SOX30: variants seen among roughly 807,000 people sequenced by gnomAD.
SOX30 encodes transcription factor SOX-30.
SOX30 carries 17 observed loss-of-function variants against 58.6 expected under a neutral mutation model. The ratio of observed to expected loss-of-function variants is 0.29; its 90% CI spans 0.20 to 0.44. The LOEUF (loss-of-function observed/expected upper bound fraction) is 0.44, where lower values mean the gene tolerates loss of function less well. Ranked by LOEUF, SOX30 falls within the 20% of genes least tolerant of loss-of-function variation. The pLI is 1.00. For missense variants in SOX30, 951 were observed against 965.8 expected (o/e 0.98, Z 0.20); for synonymous variants, 421 against 400.2 (o/e 1.05, Z -0.62).
At chr5:157,671,102 C>T (rs1330252664) in intron 1 of SOX30, among the ~76,000 whole-genome samples, 4 of 152,146 alleles carry the variant, frequency 2.6e-5, no homozygotes, top group Non-Finnish European at 5.9e-5. Context: ...AAGGGTCTTC[C>T]GGAAAGACAC....
Position 157,638,402 on chromosome 5 carries a change from T to C in SOX30, c.1708A>G (p.Ser570Gly). Residue 570 changes from serine to glycine, a missense_variant, in exon 4 of 5, where the codon AGC (serine) becomes GGC (glycine). By Grantham distance (56) the Ser-to-Gly change is moderately conservative. Transcript: ENST00000265007. The part of the protein sequence containing the change: ...STIQPPREYS[S>G]VSPCPRSAPI... ...GCACTTCTGGGACAAGGGGAAACGC[T>C]GGAATACTCCCTAGGAGGTTGGATG... The C allele has an allele frequency of 6.2e-7, 1 of 1,613,874 alleles. No homozygotes were observed. The highest frequency in any genetic ancestry group is 8.5e-7 in the Non-Finnish European group (1 of 1,179,884).
intron 4 of SOX30, among the ~76,000 whole-genome samples, chr5:157,634,309 G>T (rs949123414): frequency 6.6e-6 from 1 of 152,122 alleles, no homozygotes; most frequent in African/African-American, 2.4e-5. Context: ...CACCTCCCAG[G>T]CTCAAGTGAT....
At chr5:157,642,471 C>T (rs532339707) in intron 3 of SOX30, among the ~76,000 whole-genome samples, 12 of 151,824 alleles carry the variant, frequency 7.9e-5, no homozygotes, top group Admixed American at 4.6e-4. Flanking sequence ...AAAAAATCTA[C>T]GCTGGGGTTA....
chr5:157,637,005 T>C (rs1758943772), intron 4 of SOX30, among the ~76,000 whole-genome samples: 1 of 151,970 alleles, frequency 6.6e-6, no homozygotes, highest in African/African-American at 2.4e-5. Flanking sequence ...TGGTGACGCA[T>C]GCCTGTAATC....
At position 157,651,307 on chromosome 5, in the gene SOX30, G is replaced by A. The variant is rs768211894; in HGVS notation, c.772C>T (p.Leu258Phe). The change falls in exon 1 of 5, where the codon CTT becomes TTT. Residue 258 changes from leucine (L) to phenylalanine (F), a missense_variant. Leu to Phe is a conservative substitution (Grantham distance 22, BLOSUM62 0). Transcript: ENST00000265007. ...GTGTGGAGCGTCAAAGGGATCCTAA[G>A]GTCTTGCTGGTGCGGCCCAAAGGCA... is the stretch of plus-strand genomic sequence containing the variant. ...SGAFGPHQQD[L>F]RIPLTLHTVP... 1.2e-6 allele frequency: 2 copies of A among 1,614,144 alleles called. No individual in the cohort carries two copies. Among genetic ancestry groups the A allele is most frequent in the Non-Finnish European group, 1.7e-6 (2 of 1,180,044 alleles).
Position 157,651,802 on chromosome 5 carries a change from C to A in SOX30, c.277G>T (p.Ala93Ser), listed in dbSNP as rs1343644990. ...AACAGCCGCGCCTGCGCGGACGAGG[C>A]AGCGGCTTCCTCGTTCTGGGCCTGA... Reference protein sequence around the residue: ...QPQAQNEEAAASSAQARLLQF... With the variant: ...QPQAQNEEAASSSAQARLLQF... The change falls in exon 1 of 5, where the codon GCC (alanine) becomes TCC (serine). Residue 93 changes from alanine to serine, a missense_variant. By Grantham distance (99) the Ala-to-Ser change is moderately conservative. Transcript: ENST00000265007. 5 of 1,580,560 alleles carry A rather than the reference C, an allele frequency of 3.2e-6. No individual in the cohort carries two copies. The highest frequency in any genetic ancestry group is 2.6e-6 in the Non-Finnish European group (3 of 1,167,246).
intron 3 of SOX30, among the ~76,000 whole-genome samples, chr5:157,645,539 A>G (rs1394555205): frequency 6.6e-6 from 1 of 151,576 alleles, no homozygotes; most frequent in Non-Finnish European, 1.5e-5. Context: ...GTGTGCACCT[A>G]TAGTCCCAGC....
upstream of SOX30, among the ~76,000 whole-genome samples, chr5:157,654,608 T>C (rs576971260): frequency 6.6e-6 from 1 of 152,280 alleles, no homozygotes. Context: ...TGAAACATAC[T>C]GGGTCGCATT....
intron 4 of SOX30, among the ~76,000 whole-genome samples, chr5:157,633,335 A>G (rs1224419167): frequency 6.6e-6 from 1 of 152,216 alleles, no homozygotes; most frequent in Non-Finnish European, 1.5e-5. Flanking sequence ...CAGCACATCG[A>G]GCTTAAAACC....
At chr5:157,661,486 C>T (rs543122627) in intron 2 of SOX30, among the ~76,000 whole-genome samples, 1 of 152,126 alleles carries the variant, frequency 6.6e-6, no homozygotes, top group Non-Finnish European at 1.5e-5. Context: ...CTGTTGCAAC[C>T]AATCAACTCT....
intron 2 of SOX30, among the ~76,000 whole-genome samples, chr5:157,665,192 C>T (rs1020405517): frequency 1.3e-5 from 2 of 152,266 alleles, no homozygotes; most frequent in African/African-American, 4.8e-5. Context: ...AGACTTGGAA[C>T]CAACCCAAAT....
chr5:157,645,746 C>T (rs892209308), intron 3 of SOX30, among the ~76,000 whole-genome samples: 3 of 151,782 alleles, frequency 2.0e-5, no homozygotes, highest in South Asian at 4.2e-4. Flanking sequence ...GGGGGCCAGG[C>T]GTGGTGGCTC....
chr5:157,640,501 G>T (rs151051727), intron 3 of SOX30, among the ~76,000 whole-genome samples: 1 of 151,814 alleles, frequency 6.6e-6, no homozygotes, highest in Non-Finnish European at 1.5e-5. Flanking sequence ...CCATACATGC[G>T]CACTGACCAC....
At chr5:157,670,412 GA>G (rs921593167) in intron 1 of SOX30, among the ~76,000 whole-genome samples, 6 of 152,204 alleles carry the variant, frequency 3.9e-5, no homozygotes, top group Non-Finnish European at 5.9e-5. Flanking sequence ...AGGATGTTGT[GA>G]AATTTAATGA....
chr5:157,628,049 G>C (rs1758700851), intron 4 of SOX30, among the ~76,000 whole-genome samples: 1 of 151,696 alleles, frequency 6.6e-6, no homozygotes, highest in East Asian at 1.9e-4. Context: ...GCACAGTAGT[G>C]CATGCCTGTA....
At chr5:157,635,973 A>G (rs946597587) in intron 4 of SOX30, among the ~76,000 whole-genome samples, 1 of 152,246 alleles carries the variant, frequency 6.6e-6, no homozygotes, top group African/African-American at 2.4e-5. Context: ...GAATTTGACT[A>G]TTGGCTCTGC....
rs1169001409 is a variant in SOX30, at chr5:157,649,602, C to A, written c.968-706G>T. Among the ~76,000 whole-genome samples the A allele has an allele frequency of 2.0e-5, 3 of 152,000 alleles. No homozygotes were observed. The East Asian group carries it at 5.9e-4, about 30-fold the overall frequency. ...GTCAGGAGTTTGAGACCAGCCTGGCCAACATGATGAAACCCCATCTCTACT... is the reference window on the plus strand; with the variant it reads ...GTCAGGAGTTTGAGACCAGCCTGGCAAACATGATGAAACCCCATCTCTACT... On this transcript the variant is annotated intron_variant, in intron 1 of 4. Coordinates refer to ENST00000265007, the MANE Select transcript of SOX30 (RefSeq NM_178424.2).
At position 157,628,672 on chromosome 5, in the gene SOX30, C is replaced by T. The variant is rs142164740; in HGVS notation, c.1881-1951G>A. Among the ~76,000 whole-genome samples, 420 of 146,292 alleles carry T rather than the reference C, an allele frequency of 2.9e-3. 2 individuals are homozygous for T. The highest frequency in any genetic ancestry group is 0.01 in the African/African-American group (391 of 38,730). On this transcript the variant is annotated intron_variant, in intron 4 of 4. Coordinates refer to ENST00000265007, the MANE Select transcript of SOX30 (RefSeq NM_178424.2). ...TTTTTTTTTTTTTGAGACAGAGTCT[C>T]GCTCTGTCACCCAGGCTGGAGTGCA...
chr5:157,627,403 CTTAGT>C (rs1758683721), intron 4 of SOX30, among the ~76,000 whole-genome samples: 1 of 151,944 alleles, frequency 6.6e-6, no homozygotes, highest in Non-Finnish European at 1.5e-5. Flanking sequence ...AGAATTGACA[CTTAGT>C]AAACAATGCA....
Sources: allele counts gnomAD v4.1 joint callset (sites outside exome capture counted in the v4.1 genomes callset), GRCh38; gene constraint gnomAD v4.1.1; transcripts MANE v1.5; gene names NCBI Gene and HGNC (gene_info 2026-07-23, HGNC 2026-07-21).